The following ZNF438 variants were observed in gnomAD, a reference collection of about 807,000 sequenced individuals.
ZNF438 encodes the protein zinc finger protein 438.
A neutral mutation model predicts 38.0 loss-of-function variants in ZNF438; 25 were observed. The ratio of observed to expected loss-of-function variants is 0.66; its 90% CI spans 0.48 to 0.92. The LOEUF (loss-of-function observed/expected upper bound fraction) is 0.92. Among genes scored for constraint, ZNF438 ranks in the 40% least tolerant of loss-of-function variants. The pLI is 0.00. For synonymous variants in ZNF438, 372 were observed against 364.1 expected (o/e 1.02, Z -0.25); for missense variants, 1,007 against 999.6 (o/e 1.01, Z -0.10).
chr10:30,957,291 T>C (rs1250598495), intron 1 of ZNF438, among the ~76,000 whole-genome samples: 1 of 152,234 alleles, frequency 6.6e-6, no homozygotes. Flanking sequence ...TTCTGGATGT[T>C]AACCCCTTGT....
intron 1 of ZNF438, among the ~76,000 whole-genome samples, chr10:30,980,284 C>G (rs958061326): frequency 4.0e-5 from 6 of 151,302 alleles, no homozygotes; most frequent in Middle Eastern, 3.5e-3. Flanking sequence ...CCTTTTACTC[C>G]TATATGGAGG....
intron 2 of ZNF438, among the ~76,000 whole-genome samples, chr10:30,929,955 A>G (rs2045441566): frequency 6.6e-6 from 1 of 152,224 alleles, no homozygotes; most frequent in Admixed American, 6.5e-5. Context: ...GCTAGATATA[A>G]AAGTTCTCCA....
intron 1 of ZNF438, among the ~76,000 whole-genome samples, chr10:31,006,950 G>A (rs76584743): frequency 2.0e-5 from 3 of 152,254 alleles, no homozygotes; most frequent in South Asian, 2.1e-4. Flanking sequence ...AAAATAAGGA[G>A]AGTATCTGCA....
At chr10:30,846,592 G>A (rs1172184788) in intron 5 of ZNF438, among the ~76,000 whole-genome samples, 1 of 152,204 alleles carries the variant, frequency 6.6e-6, no homozygotes, top group African/African-American at 2.4e-5. Flanking sequence ...GGACAAGCAC[G>A]AGCCCTGCCC....
rs1216437231 is a variant in ZNF438, at chr10:30,941,574, C to T, written c.-115+1G>A. Reference sequence around the variant, plus strand: ...ACCAAGCTAGATGTGAGCAGACTTACCTGAAGTGATTTGACTTAGCAAATG... The same window carrying T: ...ACCAAGCTAGATGTGAGCAGACTTATCTGAAGTGATTTGACTTAGCAAATG... On this transcript the variant is annotated splice_donor_variant, in intron 2 of 5. Coordinates refer to ENST00000413025, the Ensembl canonical transcript of ZNF438. LOFTEE classifies it low-confidence loss of function (5UTR_SPLICE). 2 of 152,156 alleles carry T rather than the reference C, an allele frequency of 1.3e-5. No homozygotes were observed. Among genetic ancestry groups the T allele is most frequent in the African/African-American group, 4.8e-5 (2 of 41,426 alleles). The allele number at this position is 152,156 out of a possible 1,614,324, so 9.4% of individuals were successfully genotyped here.
At chr10:30,939,415 T>C (rs1269812867) in intron 2 of ZNF438, among the ~76,000 whole-genome samples, 1 of 152,194 alleles carries the variant, frequency 6.6e-6, no homozygotes, top group Non-Finnish European at 1.5e-5. Flanking sequence ...TAGATAGAAG[T>C]ATTTTCCATG....
chr10:30,889,281 T>C (rs2040374645), intron 3 of ZNF438, among the ~76,000 whole-genome samples: 1 of 152,228 alleles, frequency 6.6e-6, no homozygotes, highest in African/African-American at 2.4e-5. Flanking sequence ...TTAATCCACA[T>C]AGTAAATTCT....
At chr10:31,026,748 C>T (rs1407488956) in intron 1 of ZNF438, among the ~76,000 whole-genome samples, 4 of 152,026 alleles carry the variant, frequency 2.6e-5, no homozygotes, top group African/African-American at 4.8e-5. Flanking sequence ...TGGGTATATA[C>T]CCAAAGGACT....
At chr10:30,880,140 T>C (rs913180678) in intron 3 of ZNF438, among the ~76,000 whole-genome samples, 2 of 152,040 alleles carry the variant, frequency 1.3e-5, no homozygotes, top group Non-Finnish European at 2.9e-5. Context: ...AATAAAATGA[T>C]GCAAGTCTGG....
intron 2 of ZNF438, among the ~76,000 whole-genome samples, chr10:30,939,701 A>G (rs967710355): frequency 3.3e-5 from 5 of 152,216 alleles, no homozygotes; most frequent in Non-Finnish European, 5.9e-5. Flanking sequence ...AGAGTATCCA[A>G]TGCTGTCAGA....
At chr10:30,845,725 T>C (rs2031869494) in intron 5 of ZNF438, 152 bp from the exon 7 acceptor site, 3 of 866,298 alleles carry the variant, frequency 3.5e-6, no homozygotes, top group Non-Finnish European at 5.2e-6. Flanking sequence ...GAAGACCTTC[T>C]GCAAGGACCG....
At chr10:30,927,617 A>G (rs1215932154) in intron 2 of ZNF438, among the ~76,000 whole-genome samples, 2 of 152,250 alleles carry the variant, frequency 1.3e-5, no homozygotes, top group African/African-American at 2.4e-5. Context: ...ACAAACTTAT[A>G]ATGTGCTAAC....
chr10:30,959,129 G>C (rs2049184359), intron 1 of ZNF438, among the ~76,000 whole-genome samples: 1 of 147,404 alleles, frequency 6.8e-6, no homozygotes, highest in Admixed American at 6.8e-5. Context: ...TAAAAATTAT[G>C]TATCAGTTTG....
rs35100326 is a variant in ZNF438, at chr10:30,997,575, A to ATT, written c.-192+34256_-192+34257dup. Among the ~76,000 whole-genome samples the ATT allele has an allele frequency of 1.8e-4, 26 of 143,444 alleles. No homozygotes were observed. The East Asian group carries it at 3.5e-3, about 19-fold the overall frequency. 94.1% of individuals were successfully genotyped at this position (143,444 alleles called of 152,430 possible). On this transcript the variant is annotated intron_variant, in intron 1 of 5. Coordinates refer to ENST00000413025, the Ensembl canonical transcript of ZNF438. ...CCTTCTTTCTGAATAACAAAATCCT[A>ATT]TTTTTTTTTTTTTTTTACCTTGGGA... is the stretch of plus-strand genomic sequence containing the variant.
intron 1 of ZNF438, among the ~76,000 whole-genome samples, chr10:30,951,946 A>C (rs2048257324): frequency 6.6e-6 from 1 of 151,640 alleles, no homozygotes; most frequent in African/African-American, 2.4e-5. Flanking sequence ...TTGCCAAGTC[A>C]ATCCTAAGCC....
chr10:30,870,354 T>G (rs1365294581), intron 4 of ZNF438, among the ~76,000 whole-genome samples: 2 of 152,108 alleles, frequency 1.3e-5, no homozygotes, highest in East Asian at 3.9e-4. Context: ...CAGAACAAGG[T>G]GATGTCCTGC....
intron 3 of ZNF438, among the ~76,000 whole-genome samples, chr10:30,878,613 G>T (rs1219257123): frequency 6.6e-6 from 1 of 152,126 alleles, no homozygotes; most frequent in Non-Finnish European, 1.5e-5. Context: ...CTTGCTGGTG[G>T]AGTGTAGACA....
intron 3 of ZNF438, among the ~76,000 whole-genome samples, chr10:30,878,435 C>G (rs1043080974): frequency 6.6e-6 from 1 of 152,134 alleles, no homozygotes; most frequent in Admixed American, 6.5e-5. Flanking sequence ...TCCCATCCCC[C>G]TTTCCAGCTC....
chr10:30,856,998 C>A (rs549022369), intron 4 of ZNF438, among the ~76,000 whole-genome samples: 1 of 152,040 alleles, frequency 6.6e-6, no homozygotes, highest in African/African-American at 2.4e-5. Flanking sequence ...CCAAACTCTG[C>A]GAATAAGTAT....
Sources: gnomAD v4.1 joint callset for allele counts (sites outside exome capture counted in the v4.1 genomes callset) on GRCh38, gnomAD v4.1.1 for gene constraint, MANE v1.5 for transcripts, NCBI Gene and HGNC (gene_info 2026-07-23, HGNC 2026-07-21) for gene names.